The following DKK2 variants were observed in gnomAD, a reference collection of about 807,000 sequenced individuals.
DKK2 encodes dickkopf-related protein 2.
DKK2 carries 11 observed loss-of-function variants against 28.1 expected under a neutral mutation model. That is an observed-to-expected ratio of 0.39 (90% confidence interval 0.25 to 0.65). DKK2 has a LOEUF of 0.65. Ranked by LOEUF, DKK2 falls within the 30% of genes least tolerant of loss-of-function variation. DKK2 has a pLI of 0.47. For missense variants in DKK2, 326 were observed against 335.5 expected, an observed-to-expected ratio of 0.97 and a Z score of 0.22; for synonymous variants, 135 against 126.5, an observed-to-expected ratio of 1.07 and a Z score of -0.45.
chr4:106,951,280 A>G (rs1463954126), intron 1 of DKK2, among the ~76,000 whole-genome samples: 1 of 152,146 alleles, frequency 6.6e-6, no homozygotes, highest in Non-Finnish European at 1.5e-5. Flanking sequence ...AGATTTCTCA[A>G]AAAACAACAA....
intron 1 of DKK2, among the ~76,000 whole-genome samples, chr4:107,004,262 T>C (rs1019738119): frequency 6.6e-5 from 10 of 152,218 alleles, no homozygotes; most frequent in Admixed American, 3.3e-4. Flanking sequence ...TTTAGAGATA[T>C]GGATATTTCA....
intron 1 of DKK2, among the ~76,000 whole-genome samples, chr4:106,961,978 G>C (rs541505227): frequency 6.6e-6 from 1 of 152,052 alleles, no homozygotes; most frequent in African/African-American, 2.4e-5. Context: ...TAAATCCACC[G>C]ATAATTCTCA....
intron 1 of DKK2, among the ~76,000 whole-genome samples, chr4:106,966,878 CT>C (rs1180201127): frequency 4.6e-5 from 7 of 152,148 alleles, no homozygotes; most frequent in Non-Finnish European, 1.0e-4. Flanking sequence ...CACCTCCCCC[CT>C]GGTTCTTCCC....
chr4:106,978,744 T>C (rs2110357135), intron 1 of DKK2, among the ~76,000 whole-genome samples: 1 of 150,726 alleles, frequency 6.6e-6, no homozygotes, highest in East Asian at 2.0e-4. Context: ...TGCAGGGGAG[T>C]GAATGGTTTT....
chr4:106,942,497 T>G (rs964007143), intron 1 of DKK2, among the ~76,000 whole-genome samples: 1 of 152,120 alleles, frequency 6.6e-6, no homozygotes, highest in South Asian at 2.1e-4. Flanking sequence ...TAGACTCTTT[T>G]TAAGAGTCTC....
chr4:106,987,566 T>A (rs538440545), intron 1 of DKK2, among the ~76,000 whole-genome samples: 62 of 152,260 alleles, frequency 4.1e-4, no homozygotes, highest in African/African-American at 1.4e-3. Context: ...GGACGCAGGA[T>A]CCCAACTAGC....
At chr4:106,983,835 A>T (rs1345077864) in intron 1 of DKK2, among the ~76,000 whole-genome samples, 1 of 152,244 alleles carries the variant, frequency 6.6e-6, no homozygotes, top group Non-Finnish European at 1.5e-5. Flanking sequence ...AGATATACAG[A>T]TGACAAAATG....
intron 1 of DKK2, among the ~76,000 whole-genome samples, chr4:107,011,712 T>TGTGTGTGTGTGTGTGTGGGG (rs1040184955): frequency 2.0e-5 from 3 of 151,380 alleles, no homozygotes; most frequent in African/African-American, 7.2e-5. Flanking sequence ...TGTGTGTGTG[T>TGTGTGTGTGTGTGTGTGGGG]GGGTGTGTAT....
chr4:107,026,309 A>G (rs1307796148), intron 1 of DKK2, among the ~76,000 whole-genome samples: 2 of 152,226 alleles, frequency 1.3e-5, no homozygotes, highest in Non-Finnish European at 2.9e-5. Flanking sequence ...AATGTTAAGA[A>G]GGTTTTTCAC....
At chr4:106,929,986 A>G (rs1724477797) in intron 1 of DKK2, among the ~76,000 whole-genome samples, 1 of 152,130 alleles carries the variant, frequency 6.6e-6, no homozygotes, top group Non-Finnish European at 1.5e-5. Context: ...GTGGTGACCT[A>G]TGTGCTGAAG....
chr4:107,012,106 T>A (rs995193164), intron 1 of DKK2, among the ~76,000 whole-genome samples: 1 of 151,342 alleles, frequency 6.6e-6, no homozygotes, highest in Non-Finnish European at 1.5e-5. Context: ...ACACCCTCCA[T>A]GTGTTACAAG....
At chr4:107,006,948 AAAC>A (rs1723445669) in intron 1 of DKK2, among the ~76,000 whole-genome samples, 1 of 152,158 alleles carries the variant, frequency 6.6e-6, no homozygotes, top group African/African-American at 2.4e-5. Context: ...TTAACACAAC[AAAC>A]ATGTCGAACA....
intron 1 of DKK2, among the ~76,000 whole-genome samples, chr4:107,012,402 A>G (rs1206246172): frequency 6.6e-6 from 1 of 151,306 alleles, no homozygotes; most frequent in Non-Finnish European, 1.5e-5. Context: ...ATTCATTAAA[A>G]GCAATTTCAT....
intron 1 of DKK2, among the ~76,000 whole-genome samples, chr4:107,011,833 A>T (rs1723523031): frequency 6.6e-6 from 1 of 151,390 alleles, no homozygotes. Context: ...CACCATCAAT[A>T]CAAATGTCAA....
chr4:106,994,455 C>G (rs911734637), intron 1 of DKK2, among the ~76,000 whole-genome samples: 3 of 147,596 alleles, frequency 2.0e-5, no homozygotes, highest in Non-Finnish European at 4.5e-5. Context: ...CTTTTCCTAT[C>G]TCTCTCTTTC....
intron 1 of DKK2, among the ~76,000 whole-genome samples, chr4:106,966,121 G>T (rs754345758): frequency 9.2e-5 from 14 of 152,066 alleles, no homozygotes; most frequent in Admixed American, 2.6e-4. Context: ...AAATAATTTG[G>T]GAAAATGTAA....
intron 1 of DKK2, among the ~76,000 whole-genome samples, chr4:107,027,012 A>C (rs1297245269): frequency 6.6e-6 from 1 of 152,224 alleles, no homozygotes; most frequent in East Asian, 1.9e-4. Context: ...GTAGAGAAAT[A>C]AGTGAAGAAA....
At chr4:106,938,675 C>T (rs1458267182) in intron 1 of DKK2, among the ~76,000 whole-genome samples, 4 of 152,232 alleles carry the variant, frequency 2.6e-5, no homozygotes, top group African/African-American at 9.6e-5. Flanking sequence ...GAATTTTAGA[C>T]CAATATCCTT....
chr4:106,994,817 C>T (rs944527257), intron 1 of DKK2, among the ~76,000 whole-genome samples: 26 of 152,190 alleles, frequency 1.7e-4, no homozygotes, highest in African/African-American at 5.3e-4. Flanking sequence ...GCCCTCAGCA[C>T]CTGACACTGG....
Sources: gnomAD v4.1 joint callset for allele counts (sites outside exome capture counted in the v4.1 genomes callset) on GRCh38, gnomAD v4.1.1 for gene constraint, MANE v1.5 for transcripts, NCBI Gene and HGNC (gene_info 2026-07-23, HGNC 2026-07-21) for gene names.